Variants in UGT1A5 observed in about 807,000 individuals in gnomAD.
The protein encoded by UGT1A5 is UDP-glucuronosyltransferase 1A5.
In UGT1A5, 29 loss-of-function variants were observed where a neutral mutation model predicts 40.3. The observed-to-expected ratio is 0.72, with a 90% CI of 0.54 to 0.98. The LOEUF is 0.98. UGT1A5 is among the 50% of genes least tolerant of loss of function. The pLI, the probability that UGT1A5 is intolerant of heterozygous loss-of-function variation, is 0.00. For missense variants in UGT1A5, 678 were observed against 677.9 expected (o/e 1.00, Z 0.00); for synonymous variants, 257 against 262.5 (o/e 0.98, Z 0.20).
At chr2:233,757,535 A>AATATATATACATATACATATATACATAT (rs376887521) in intron 1 of UGT1A5, among the ~76,000 whole-genome samples, 1 of 88,312 alleles carries the variant, frequency 1.1e-5, no homozygotes, top group African/African-American at 5.0e-5. Context: ...GCCTGTAAGG[A>AATATATATACATATACATATATACATAT]ATATATATAT....
intron 1 of UGT1A5, among the ~76,000 whole-genome samples, chr2:233,726,110 G>C (rs2077503399): frequency 6.6e-6 from 1 of 152,164 alleles, no homozygotes; most frequent in Non-Finnish European, 1.5e-5. Context: ...AGGCTGCAGT[G>C]TGCCATGTTC....
At chr2:233,751,910 A>T (rs1006806920) in intron 1 of UGT1A5, among the ~76,000 whole-genome samples, 1 of 152,180 alleles carries the variant, frequency 6.6e-6, no homozygotes. Flanking sequence ...AGAACAGACT[A>T]ATACAAGATT....
At chr2:233,753,470 T>A (rs532317483) in intron 1 of UGT1A5, 1 of 152,352 alleles carries the variant, frequency 6.6e-6, no homozygotes, top group South Asian at 2.1e-4. Context: ...CTGTAAAAAA[T>A]TACCAGCATG....
chr2:233,737,993 C>T (rs1690655503), intron 1 of UGT1A5, among the ~76,000 whole-genome samples: 1 of 151,916 alleles, frequency 6.6e-6, no homozygotes, highest in African/African-American at 2.4e-5. Flanking sequence ...GCTCTGTGTC[C>T]CCCACCAAAT....
chr2:233,766,327 G>A (rs373926451), intron 1 of UGT1A5, among the ~76,000 whole-genome samples: 29 of 152,248 alleles, frequency 1.9e-4, no homozygotes, highest in East Asian at 9.7e-4. Context: ...CAAACTCCGC[G>A]TTGTTCTGCT....
At chr2:233,725,264 GGAGGCAGAGGCAGAGGCA>G (rs551912265) in intron 1 of UGT1A5, among the ~76,000 whole-genome samples, 25,828 of 58,216 alleles carry the variant, frequency 0.44, 8,681 homozygotes, top group East Asian at 0.63. Context: ...CAGAGGCAGA[GGAGGCAGAGGCAGAGGCA>G]GAGGCAGAGG....
chr2:233,761,152 G>A lies in UGT1A5; in HGVS notation c.868-5882G>A, dbSNP rs587776764. On this transcript the variant is annotated intron_variant, in intron 1 of 4. Transcript: ENST00000373414. Reference sequence around the variant, plus strand: ...CCTTCACCAAAATCCACTATCCCAGGTGTGTATTGGAGTGGGACTTTTACA... The same window carrying A: ...CCTTCACCAAAATCCACTATCCCAGATGTGTATTGGAGTGGGACTTTTACA... The A allele has an allele frequency of 1.2e-6, 2 of 1,614,084 alleles. No individual in the cohort carries two copies. Among genetic ancestry groups the A allele is most frequent in the South Asian group, 2.2e-5 (2 of 91,086 alleles).
At chr2:233,729,574 T>C (rs774879716) in intron 1 of UGT1A5, 3 of 1,614,162 alleles carry the variant, frequency 1.9e-6, no homozygotes, top group Non-Finnish European at 1.7e-6. Flanking sequence ...TGATGTGGTT[T>C]TAACAGACCC....
At chr2:233,750,844 C>G (rs903406800) in intron 1 of UGT1A5, 1 of 151,832 alleles carries the variant, frequency 6.6e-6, no homozygotes, top group African/African-American at 2.4e-5. Flanking sequence ...TAAGGAAATG[C>G]TTGGATGTCC....
At chr2:233,738,256 C>A (rs775163628) in intron 1 of UGT1A5, among the ~76,000 whole-genome samples, 10 of 152,180 alleles carry the variant, frequency 6.6e-5, no homozygotes, top group Non-Finnish European at 1.0e-4. Context: ...GAACTGGAGT[C>A]AATTAAAGCT....
intron 1 of UGT1A5, among the ~76,000 whole-genome samples, chr2:233,752,746 AAAAC>A (rs200752387): frequency 3.8e-4 from 58 of 152,306 alleles, no homozygotes; most frequent in East Asian, 2.5e-3. Context: ...CCCTGTCTCT[AAAAC>A]AAACAAACAA....
At position 233,743,406 on chromosome 2, in the gene UGT1A5, C is replaced by T. The variant is rs904424565; in HGVS notation, c.868-23628C>T. 16 of 1,310,784 alleles carry T rather than the reference C, an allele frequency of 1.2e-5. No individual in the cohort carries two copies. In the Admixed American group the frequency reaches 2.0e-4, roughly 16 times the overall value. The allele number at this position is 1,310,784 out of a possible 1,614,324, so 81.2% of individuals were successfully genotyped here. A position where few individuals can be genotyped will look rare whatever the true frequency, so the allele number is the denominator to read the frequency against. On this transcript the variant is annotated intron_variant, in intron 1 of 4. Transcript: ENST00000373414. ...AGGACATGCAGAAGGAAGAAAGGCC[C>T]CCACTTCCCAGGGAGCCAAAGGAAC...
chr2:233,765,059 C>A (rs917650453), intron 1 of UGT1A5, among the ~76,000 whole-genome samples: 1 of 152,076 alleles, frequency 6.6e-6, no homozygotes, highest in African/African-American at 2.4e-5. Context: ...TGAGCCCTGT[C>A]AGAGGTCTCC....
chr2:233,755,177 G>A (rs1258738102), intron 1 of UGT1A5: 6 of 1,239,024 alleles, frequency 4.8e-6, no homozygotes, highest in Non-Finnish European at 6.6e-6. Flanking sequence ...TTTTGTCGGG[G>A]TGCCACTTGA....
chr2:233,724,777 C>T (rs924774520), intron 1 of UGT1A5, among the ~76,000 whole-genome samples: 6 of 142,286 alleles, frequency 4.2e-5, no homozygotes, highest in African/African-American at 8.1e-5. Flanking sequence ...CAGAGACACT[C>T]CTCACTTCCC....
intron 1 of UGT1A5, among the ~76,000 whole-genome samples, chr2:233,745,757 G>A (rs1464205566): frequency 6.7e-6 from 1 of 150,374 alleles, no homozygotes; most frequent in Admixed American, 6.6e-5. Flanking sequence ...AGCAGAAGGG[G>A]TGGAGAGGAG....
intron 1 of UGT1A5, among the ~76,000 whole-genome samples, chr2:233,737,957 G>A (rs779523802): frequency 7.9e-5 from 12 of 151,950 alleles, no homozygotes; most frequent in Non-Finnish European, 1.6e-4. Context: ...CCCAACATGA[G>A]GTCACACTAG....
chr2:233,735,637 A>G (rs2078674460), intron 1 of UGT1A5, among the ~76,000 whole-genome samples: 1 of 152,170 alleles, frequency 6.6e-6, no homozygotes, highest in African/African-American at 2.4e-5. Context: ...ATGTTTTTGC[A>G]GTGGCTGGTA....
intron 1 of UGT1A5, among the ~76,000 whole-genome samples, chr2:233,759,429 C>A (rs1193069176): frequency 1.3e-5 from 2 of 152,114 alleles, no homozygotes; most frequent in Admixed American, 6.5e-5. Context: ...GGCCAGTTGG[C>A]TCTATTTTAA....
Sources: gnomAD v4.1 joint callset for allele counts (sites outside exome capture counted in the v4.1 genomes callset) on GRCh38, gnomAD v4.1.1 for gene constraint, MANE v1.5 for transcripts, NCBI Gene and HGNC (gene_info 2026-07-23, HGNC 2026-07-21) for gene names.